Variants in MPHOSPH9 observed in about 807,000 individuals in gnomAD.
The protein encoded by MPHOSPH9 is M-phase phosphoprotein 9.
MPHOSPH9 carries 88 observed loss-of-function variants against 145.5 expected under a neutral mutation model. That is an observed-to-expected ratio of 0.60 (90% CI 0.51 to 0.72). The LOEUF (loss-of-function observed/expected upper bound fraction) is 0.72. MPHOSPH9 is among the 30% of genes least tolerant of loss of function. The probability of loss-of-function intolerance (pLI) is 0.00; values close to 1 mark genes in which losing one functional copy is unlikely to be tolerated. For synonymous variants in MPHOSPH9, 435 were observed against 486.2 expected (o/e 0.89, Z 1.39); for missense variants, 1,238 against 1,386.6 (o/e 0.89, Z 1.70).
chr12:123,199,882 TCA>T (rs2046143351), intron 11 of MPHOSPH9, among the ~76,000 whole-genome samples: 2 of 152,058 alleles, frequency 1.3e-5, no homozygotes, highest in South Asian at 4.2e-4. Context: ...TCACTGAAAG[TCA>T]CACAGATTGT....
At chr12:123,241,337 T>C (rs1392907095) in intron 1 of MPHOSPH9, among the ~76,000 whole-genome samples, 1 of 152,022 alleles carries the variant, frequency 6.6e-6, no homozygotes. Context: ...TTTTTTGTTG[T>C]TGTTGTTTTT....
Position 123,165,360 on chromosome 12 carries a change from A to G in MPHOSPH9, c.2709T>C (p.Asp903=), listed in dbSNP as rs772851603. ...TPIMRALKEL[D]EGKIFKNWGT... ...CCCAATTTTTAAATATTTTTCCCTC[A>G]TCAAGTTCTTTTAAAGCTCTCATGA... The change falls in exon 18 of 24, where the codon GAT becomes GAC. Residue 903 remains aspartate (D), a synonymous_variant. Coordinates refer to ENST00000606320, the MANE Select transcript of MPHOSPH9 (RefSeq NM_022782.4). 6.2e-7 allele frequency: 1 copy of G among 1,613,934 alleles called. No homozygotes were observed. Among genetic ancestry groups the G allele is most frequent in the Admixed American group, 1.7e-5 (1 of 59,984 alleles).
intron 8 of MPHOSPH9, among the ~76,000 whole-genome samples, chr12:123,204,886 AAACAGAAG>A (rs1395662958): frequency 6.6e-6 from 1 of 152,166 alleles, no homozygotes; most frequent in East Asian, 1.9e-4. Context: ...CTGTCTCAAA[AAACAGAAG>A]ATAGGACCCT....
intron 1 of MPHOSPH9, among the ~76,000 whole-genome samples, chr12:123,239,536 G>T (rs1419449797): frequency 6.6e-6 from 1 of 152,016 alleles, no homozygotes; most frequent in Non-Finnish European, 1.5e-5. Flanking sequence ...CCAAGTAGCT[G>T]GGACTACAGC....
At chr12:123,160,543 A>C in intron 23 of MPHOSPH9, 1 of 438,310 alleles carries the variant, frequency 2.3e-6, no homozygotes. Flanking sequence ...TTGAAAATAC[A>C]AGGGCATGAA....
At chr12:123,223,939 AT>A (rs886486364) in intron 3 of MPHOSPH9, among the ~76,000 whole-genome samples, 24 of 149,666 alleles carry the variant, frequency 1.6e-4, no homozygotes, top group African/African-American at 4.2e-4. Context: ...TTATTTATTT[AT>A]TTTTTTTTTT....
intron 16 of MPHOSPH9, among the ~76,000 whole-genome samples, chr12:123,175,661 TC>T (rs1352424925): frequency 6.7e-5 from 1 of 15,030 alleles, no homozygotes; most frequent in East Asian, 3.8e-3. Flanking sequence ...CTGCCCACCC[TC>T]CCATCCCTCA....
At chr12:123,186,435 C>T (rs1195246939) in intron 13 of MPHOSPH9, among the ~76,000 whole-genome samples, 1 of 152,004 alleles carries the variant, frequency 6.6e-6, no homozygotes, top group Non-Finnish European at 1.5e-5. Context: ...AAAGAATATA[C>T]AAGGGTTTTC....
chr12:123,185,127 G>A (rs1042125125), intron 13 of MPHOSPH9, among the ~76,000 whole-genome samples: 3 of 151,876 alleles, frequency 2.0e-5, no homozygotes, highest in Admixed American at 1.3e-4. Flanking sequence ...ATGTGAGCCT[G>A]CAAAAGAACC....
intron 2 of MPHOSPH9, 71 bp from the exon 3 acceptor site, chr12:123,227,687 G>C: frequency 7.6e-7 from 1 of 1,308,422 alleles, no homozygotes; most frequent in African/African-American, 1.5e-5. Context: ...AGCAGTTCAA[G>C]ATTTAGCAGA....
chr12:123,161,893 A>C (rs2044124708), intron 21 of MPHOSPH9, among the ~76,000 whole-genome samples: 1 of 152,216 alleles, frequency 6.6e-6, no homozygotes, highest in Admixed American at 6.5e-5. Context: ...GGCCCTGGTA[A>C]TTAAACATCA....
intron 16 of MPHOSPH9, among the ~76,000 whole-genome samples, chr12:123,168,490 T>C (rs192829379): frequency 0.02 from 3,090 of 151,334 alleles, 64 homozygotes; most frequent in Non-Finnish European, 0.024. Context: ...TACAGGCGCC[T>C]GCCACCACGC....
At chr12:123,169,884 C>T (rs1485104079) in intron 16 of MPHOSPH9, among the ~76,000 whole-genome samples, 1 of 152,168 alleles carries the variant, frequency 6.6e-6, no homozygotes, top group East Asian at 1.9e-4. Flanking sequence ...GCCACGTGCC[C>T]AGCCCGATCT....
chr12:123,163,169 CT>C, intron 19 of MPHOSPH9, 35 bp from the exon 20 acceptor site: 1 of 1,542,478 alleles, frequency 6.5e-7, no homozygotes, highest in Non-Finnish European at 8.7e-7. Flanking sequence ...TATTCTTTTC[CT>C]TCTATATGTA....
At chr12:123,209,717 T>C (rs980569647) in intron 8 of MPHOSPH9, among the ~76,000 whole-genome samples, 1 of 149,704 alleles carries the variant, frequency 6.7e-6, no homozygotes, top group Non-Finnish European at 1.5e-5. Flanking sequence ...CAGTCCACGG[T>C]GTGTGTGTTT....
chr12:123,240,067 A>G (rs1468716344), intron 1 of MPHOSPH9, among the ~76,000 whole-genome samples: 2 of 152,132 alleles, frequency 1.3e-5, no homozygotes, highest in Non-Finnish European at 2.9e-5. Context: ...TGAGCTGGTT[A>G]GAAATGCAGA....
At chr12:123,171,733 A>T (rs748685116) in intron 16 of MPHOSPH9, among the ~76,000 whole-genome samples, 1 of 152,096 alleles carries the variant, frequency 6.6e-6, no homozygotes, top group Non-Finnish European at 1.5e-5. Flanking sequence ...TGGGTGACAC[A>T]GCGAGACTCC....
At position 123,216,927 on chromosome 12, in the gene MPHOSPH9, T is replaced by C. The variant is rs1207674689; in HGVS notation, c.996+1449A>G. 7.3e-5 allele frequency among the ~76,000 whole-genome samples: 11 copies of C among 150,090 alleles called. No homozygotes were observed. The South Asian group carries it at 1.9e-3, about 26-fold the overall frequency. ...TCGCTTGAACCCAGGAGACAGAGAT[T>C]GCAGTGAGCTGAGATTATGTCACTG... On this transcript the variant is annotated intron_variant, in intron 6 of 23. Coordinates refer to ENST00000606320, the MANE Select transcript of MPHOSPH9 (RefSeq NM_022782.4).
At chr12:123,197,760 C>T (rs1297147744) in intron 12 of MPHOSPH9, among the ~76,000 whole-genome samples, 3 of 142,108 alleles carry the variant, frequency 2.1e-5, no homozygotes, top group Admixed American at 7.4e-5. Flanking sequence ...ACAGCCTGGG[C>T]GACAGAGCGA....
Sources: allele counts gnomAD v4.1 joint callset (sites outside exome capture counted in the v4.1 genomes callset), GRCh38; gene constraint gnomAD v4.1.1; transcripts MANE v1.5; gene names NCBI Gene and HGNC (gene_info 2026-07-23, HGNC 2026-07-21).